TAFA1: variants seen among roughly 807,000 people sequenced by gnomAD.
TAFA1 encodes the protein chemokine-like protein TAFA-1.
In TAFA1, 4 loss-of-function variants were observed where a neutral mutation model predicts 18.5. The observed-to-expected ratio is 0.22, with a 90% CI of 0.11 to 0.49. The LOEUF is 0.49. Among genes scored for constraint, TAFA1 ranks in the 20% least tolerant of loss-of-function variants. The pLI is 0.98. For synonymous variants in TAFA1, 56 were observed against 55.2 expected, an observed-to-expected ratio of 1.01 and a Z score of -0.06; for missense variants, 147 against 169.0, an observed-to-expected ratio of 0.87 and a Z score of 0.72.
chr3:68,371,322 C>G (rs1339289265), intron 2 of TAFA1, among the ~76,000 whole-genome samples: 1 of 152,062 alleles, frequency 6.6e-6, no homozygotes, highest in Non-Finnish European at 1.5e-5. Flanking sequence ...AACCTGTCAT[C>G]TAGGTTTTAA....
At chr3:68,386,898 CAA>C (rs1223660332) in intron 2 of TAFA1, among the ~76,000 whole-genome samples, 1 of 152,038 alleles carries the variant, frequency 6.6e-6, no homozygotes, top group Admixed American at 6.6e-5. Flanking sequence ...CCCATGAGAT[CAA>C]TTTGCAAGAC....
intron 2 of TAFA1, among the ~76,000 whole-genome samples, chr3:68,353,607 G>C (rs1257308717): frequency 6.6e-6 from 1 of 152,012 alleles, no homozygotes; most frequent in Non-Finnish European, 1.5e-5. Flanking sequence ...TGGCTGCAGG[G>C]AAGTAGGGAA....
At chr3:68,273,480 T>G (rs1223809605) in intron 2 of TAFA1, among the ~76,000 whole-genome samples, 1 of 152,240 alleles carries the variant, frequency 6.6e-6, no homozygotes, top group African/African-American at 2.4e-5. Flanking sequence ...TAGGTAAATT[T>G]GTCAAATCAT....
chr3:68,290,393 G>A (rs2068085324), intron 2 of TAFA1, among the ~76,000 whole-genome samples: 1 of 152,042 alleles, frequency 6.6e-6, no homozygotes, highest in Non-Finnish European at 1.5e-5. Context: ...GTTCACATCT[G>A]TCTATTTCTG....
intron 2 of TAFA1, among the ~76,000 whole-genome samples, chr3:68,176,677 C>T (rs2066130558): frequency 6.6e-6 from 1 of 152,168 alleles, no homozygotes; most frequent in African/African-American, 2.4e-5. Context: ...TCTCTATTCC[C>T]ACTAAACCCT....
At chr3:68,338,688 G>C (rs1313736967) in intron 2 of TAFA1, among the ~76,000 whole-genome samples, 1 of 152,108 alleles carries the variant, frequency 6.6e-6, no homozygotes, top group Non-Finnish European at 1.5e-5. Flanking sequence ...CTGTATACAA[G>C]GTTGATTTAC....
intron 2 of TAFA1, among the ~76,000 whole-genome samples, chr3:68,402,921 T>C (rs1484745244): frequency 4.6e-5 from 7 of 152,202 alleles, no homozygotes; most frequent in Non-Finnish European, 1.0e-4. Flanking sequence ...GTGGGAGGCA[T>C]CTCTTTTGCT....
chr3:68,365,551 A>G (rs1426447354), intron 2 of TAFA1, among the ~76,000 whole-genome samples: 1 of 152,214 alleles, frequency 6.6e-6, no homozygotes, highest in African/African-American at 2.4e-5. Flanking sequence ...GACCCAAAAA[A>G]TCAAGGATGT....
At chr3:68,108,101 A>G (rs1315536263) in intron 2 of TAFA1, among the ~76,000 whole-genome samples, 1 of 152,136 alleles carries the variant, frequency 6.6e-6, no homozygotes, top group Non-Finnish European at 1.5e-5. Context: ...TTTTATAAAA[A>G]TCACCTTTTA....
At chr3:68,046,057 A>T (rs1047846709) in intron 2 of TAFA1, among the ~76,000 whole-genome samples, 1 of 152,156 alleles carries the variant, frequency 6.6e-6, no homozygotes, top group Admixed American at 6.6e-5. Context: ...TTAGATTTAC[A>T]GTAATTCCTT....
chr3:67,994,792 TC>T, the TAFA1 span, among the ~76,000 whole-genome samples: 1 of 152,184 alleles, frequency 6.6e-6, no homozygotes, highest in Non-Finnish European at 1.5e-5. Context: ...TTTTAGAAGA[TC>T]CCTGAAAACT....
chr3:68,258,604 G>A (rs73836828), intron 2 of TAFA1, among the ~76,000 whole-genome samples: 2,405 of 152,200 alleles, frequency 0.016, 59 homozygotes, highest in East Asian at 0.11. Context: ...ATTTCAAATC[G>A]AAACTCCAGA....
intron 2 of TAFA1, among the ~76,000 whole-genome samples, chr3:68,401,330 C>T (rs985931436): frequency 6.6e-6 from 1 of 152,132 alleles, no homozygotes; most frequent in Non-Finnish European, 1.5e-5. Context: ...AAAGAGATAA[C>T]TAAAGAGAAT....
chr3:68,078,356 G>T (rs1321192627), intron 2 of TAFA1, among the ~76,000 whole-genome samples: 3 of 151,968 alleles, frequency 2.0e-5, no homozygotes, highest in Non-Finnish European at 4.4e-5. Flanking sequence ...TGTTGAATAG[G>T]AGTGGTGAGA....
At chr3:68,432,501 A>T (rs1464511708) in intron 3 of TAFA1, among the ~76,000 whole-genome samples, 1 of 152,014 alleles carries the variant, frequency 6.6e-6, no homozygotes, top group Admixed American at 6.6e-5. Flanking sequence ...TGCAATTTTG[A>T]TTGTAATGCC....
chr3:68,328,756 T>A (rs145128548), intron 2 of TAFA1, among the ~76,000 whole-genome samples: 49 of 152,202 alleles, frequency 3.2e-4, no homozygotes, highest in African/African-American at 1.2e-3. Context: ...AAACTCTTTA[T>A]ATATAATAAA....
intron 3 of TAFA1, among the ~76,000 whole-genome samples, chr3:68,475,603 A>G (rs2072077786): frequency 1.3e-5 from 2 of 152,366 alleles, no homozygotes; most frequent in East Asian, 1.9e-4. Context: ...TATTGTGAAT[A>G]GTGCCACAGT....
intron 2 of TAFA1, among the ~76,000 whole-genome samples, chr3:68,121,862 G>T (rs2065403593): frequency 6.6e-6 from 1 of 152,026 alleles, no homozygotes; most frequent in South Asian, 2.1e-4. Flanking sequence ...CAGGCATCCT[G>T]GAATGAGTTC....
rs768631507 is a variant in TAFA1, at chr3:68,406,900, C to T, written c.119-10380C>T. Among the ~76,000 whole-genome samples, 3 of 152,060 alleles carry T rather than the reference C, an allele frequency of 2.0e-5. No homozygotes were observed. In the South Asian group the frequency reaches 6.2e-4, roughly 32 times the overall value. On this transcript the variant is annotated intron_variant, in intron 2 of 4. Coordinates refer to ENST00000478136, the MANE Select transcript of TAFA1 (RefSeq NM_213609.4). Reference sequence around the variant, plus strand: ...TGCACCTTTGGGTGAAATGTATTTCCGTGGGGGTAGACCAGTTGCTAAAAG... The same window carrying T: ...TGCACCTTTGGGTGAAATGTATTTCTGTGGGGGTAGACCAGTTGCTAAAAG...
Sources: allele counts gnomAD v4.1 joint callset (sites outside exome capture counted in the v4.1 genomes callset), GRCh38; gene constraint gnomAD v4.1.1; transcripts MANE v1.5; gene names NCBI Gene and HGNC (gene_info 2026-07-23, HGNC 2026-07-21).